Variants in ADAMTS5 observed in about 807,000 individuals in gnomAD.
ADAMTS5 encodes ADAM metallopeptidase with thrombospondin type 1 motif 5.
ADAMTS5 carries 54 observed loss-of-function variants against 81.4 expected under a neutral mutation model. The ratio of observed to expected loss-of-function variants is 0.66; its 90% CI spans 0.53 to 0.83. The LOEUF is 0.83. Ranked by LOEUF, ADAMTS5 falls within the 40% of genes least tolerant of loss-of-function variation. ADAMTS5 has a pLI of 0.00. For synonymous variants in ADAMTS5, 532 were observed against 508.8 expected, an observed-to-expected ratio of 1.05 and a Z score of -0.61; for missense variants, 1,194 against 1,229.9, an observed-to-expected ratio of 0.97 and a Z score of 0.44.
rs957485145 is a variant in ADAMTS5, at chr21:26,922,482, A to G, written c.*1571T>C. 3.3e-5 allele frequency: 5 copies of G among 152,116 alleles called. No homozygotes were observed. The highest frequency in any genetic ancestry group is 7.2e-5 in the African/African-American group (3 of 41,456). 9.4% of individuals were successfully genotyped at this position (152,116 alleles called of 1,614,324 possible). ...AATAGGCACATTTGGCAGGATTACT[A>G]TGAATTTTTATAAAGAAAAATTGGC... On this transcript the variant is annotated 3_prime_UTR_variant, in exon 8 of 8. Transcript: ENST00000284987.
chr21:26,955,664 T>C (rs1015488143), intron 1 of ADAMTS5, among the ~76,000 whole-genome samples: 3 of 152,112 alleles, frequency 2.0e-5, no homozygotes, highest in Non-Finnish European at 2.9e-5. Context: ...TCTTGAGATA[T>C]GAAACATAAA....
At position 26,930,055 on chromosome 21, in the gene ADAMTS5, C is replaced by T. The variant is rs151329117; in HGVS notation, c.2056G>A (p.Asp686Asn). 5.8e-5 allele frequency: 93 copies of T among 1,613,444 alleles called. No individual in the cohort carries two copies. The highest frequency in any genetic ancestry group is 7.4e-5 in the Non-Finnish European group (87 of 1,179,690). Residue 686 changes from aspartate (D) to asparagine (N), a missense_variant, in exon 7 of 8, where the codon GAT becomes AAT. Transcript: ENST00000284987. ...CTGTACAGCCTACATTCAGTGCCAT[C>T]GGTCACCTGAATCATGGCAAATGCA... ...YYVVFSPKVTDGTECRLYSNS... is the reference protein window; with the variant it reads ...YYVVFSPKVTNGTECRLYSNS...
intron 6 of ADAMTS5, 44 bp downstream of exon 6, chr21:26,931,960 C>T (rs761689380): frequency 6.6e-7 from 1 of 1,518,134 alleles, no homozygotes; most frequent in Non-Finnish European, 8.8e-7. Context: ...CAAATAATTT[C>T]CACCAGTACG....
chr21:26,952,786 G>T (rs2123197684), intron 2 of ADAMTS5, among the ~76,000 whole-genome samples: 1 of 152,258 alleles, frequency 6.6e-6, no homozygotes, highest in Non-Finnish European at 1.5e-5. Context: ...CCTTTCCAGG[G>T]ACTTAGAACC....
intron 1 of ADAMTS5, among the ~76,000 whole-genome samples, chr21:26,956,935 G>A (rs1056185276): frequency 2.0e-5 from 3 of 152,214 alleles, no homozygotes; most frequent in Admixed American, 6.5e-5. Context: ...CCACGGAAAT[G>A]TGACAAAATT....
chr21:26,928,454 C>A (rs1377779176), intron 7 of ADAMTS5, among the ~76,000 whole-genome samples: 1 of 152,000 alleles, frequency 6.6e-6, no homozygotes, highest in Non-Finnish European at 1.5e-5. Flanking sequence ...GTTGTCAGCA[C>A]AAAAATACTT....
rs1029824615 is a variant in ADAMTS5, at chr21:26,951,876, ACT to A, written c.1237+2861_1237+2862del. 4.0e-5 allele frequency among the ~76,000 whole-genome samples: 6 copies of A among 150,416 alleles called. 1 individual carries two copies. The South Asian group carries it at 1.2e-3, about 31-fold the overall frequency. On this transcript the variant is annotated intron_variant, in intron 2 of 7. Coordinates refer to ENST00000284987, the MANE Select transcript of ADAMTS5 (RefSeq NM_007038.5). ...AGATCACACTGGCTGGAGGGGCAAG[ACT>A]CTGTAATAATACACAGATGATCAGG...
chr21:26,921,913 T>C lies in ADAMTS5; in HGVS notation c.*2140A>G, dbSNP rs1044603127. On this transcript the variant is annotated 3_prime_UTR_variant, in exon 8 of 8. Transcript: ENST00000284987. ...CTACATTTATGCCTCGAGTATTTTTTAATGTTGTTGGGAATATAACCACAA... is the reference window on the plus strand; with the variant it reads ...CTACATTTATGCCTCGAGTATTTTTCAATGTTGTTGGGAATATAACCACAA... 2.6e-5 allele frequency: 4 copies of C among 152,212 alleles called. No homozygotes were observed. Among genetic ancestry groups the C allele is most frequent in the Non-Finnish European group, 4.4e-5 (3 of 67,960 alleles). The allele number at this position is 152,212 out of a possible 1,614,324, so 9.4% of individuals were successfully genotyped here. A position where few individuals can be genotyped will look rare whatever the true frequency, so the allele number is the denominator to read the frequency against.
At position 26,966,220 on chromosome 21, in the gene ADAMTS5, G is replaced by T. The variant is rs772438445; in HGVS notation, c.172C>A (p.Pro58Thr). The stretch of plus-strand genomic sequence containing the variant: ...TGCGCCAGGGGGTGCGGGTGGCCGG[G>T]AGGCTCGGCTCGCTCCTGCACCTCC... Reference protein sequence around the residue: ...GEEVQERAEPPGHPHPLAQRR... With the variant: ...GEEVQERAEPTGHPHPLAQRR... Residue 58 changes from proline to threonine, a missense_variant, in exon 1 of 8, where the codon CCC becomes ACC. Transcript: ENST00000284987. The T allele has an allele frequency of 1.6e-5, 26 of 1,599,532 alleles. No individual in the cohort carries two copies. In the South Asian group the frequency reaches 2.6e-4, roughly 16 times the overall value.
intron 1 of ADAMTS5, among the ~76,000 whole-genome samples, chr21:26,960,746 G>C (rs948616166): frequency 2.0e-5 from 3 of 152,190 alleles, no homozygotes; most frequent in African/African-American, 7.2e-5. Context: ...CAGACTAGCA[G>C]ACATAGTGTA....
intron 7 of ADAMTS5, among the ~76,000 whole-genome samples, chr21:26,928,023 G>C (rs1279550837): frequency 6.6e-6 from 1 of 152,038 alleles, no homozygotes; most frequent in Non-Finnish European, 1.5e-5. Flanking sequence ...AGGGAGGAGC[G>C]AGTTAAGATT....
intron 3 of ADAMTS5, among the ~76,000 whole-genome samples, chr21:26,941,798 G>A (rs2123184663): frequency 1.3e-5 from 2 of 152,154 alleles, no homozygotes; most frequent in South Asian, 4.1e-4. Context: ...TATGCGTGGA[G>A]ACTTAAGATT....
chr21:26,962,524 A>G (rs1987548425), intron 1 of ADAMTS5, among the ~76,000 whole-genome samples: 1 of 152,228 alleles, frequency 6.6e-6, no homozygotes, highest in South Asian at 2.1e-4. Context: ...TGACTTCCAG[A>G]TGCAACTTTC....
At chr21:26,928,937 TG>T (rs1358885451) in intron 7 of ADAMTS5, among the ~76,000 whole-genome samples, 2 of 152,150 alleles carry the variant, frequency 1.3e-5, no homozygotes, top group African/African-American at 4.8e-5. Flanking sequence ...AGGATATAAT[TG>T]GGCATGCAGG....
intron 7 of ADAMTS5, among the ~76,000 whole-genome samples, chr21:26,924,943 C>G (rs1986780456): frequency 6.6e-6 from 1 of 152,202 alleles, no homozygotes; most frequent in Non-Finnish European, 1.5e-5. Flanking sequence ...ATCCTATCAT[C>G]TTTACAAATC....
intron 1 of ADAMTS5, among the ~76,000 whole-genome samples, chr21:26,960,130 C>A (rs751907404): frequency 6.6e-6 from 1 of 152,144 alleles, no homozygotes; most frequent in Non-Finnish European, 1.5e-5. Context: ...TTTTTACTCA[C>A]ATCCACCTCT....
chr21:26,954,580 G>A (rs996018124), intron 2 of ADAMTS5, among the ~76,000 whole-genome samples, 159 bp downstream of exon 2: 12 of 152,158 alleles, frequency 7.9e-5, no homozygotes, highest in Non-Finnish European at 1.3e-4. Context: ...CCTGTCGCTC[G>A]TATTAGTTAA....
chr21:26,961,954 C>T (rs905379270), intron 1 of ADAMTS5, among the ~76,000 whole-genome samples: 5 of 152,120 alleles, frequency 3.3e-5, no homozygotes, highest in Admixed American at 2.6e-4. Flanking sequence ...TGGGGAGACC[C>T]GGTCCCAGCA....
At chr21:26,943,882 T>G (rs1568845963) in intron 2 of ADAMTS5, among the ~76,000 whole-genome samples, 1 of 152,206 alleles carries the variant, frequency 6.6e-6, no homozygotes, top group Non-Finnish European at 1.5e-5. Context: ...GTCATAGCCC[T>G]CACCACGTAT....
Sources: allele counts gnomAD v4.1 joint callset (sites outside exome capture counted in the v4.1 genomes callset), GRCh38; gene constraint gnomAD v4.1.1; transcripts MANE v1.5; gene names NCBI Gene and HGNC (gene_info 2026-07-23, HGNC 2026-07-21).